Variants in WWOX observed in about 807,000 individuals in gnomAD.
WWOX encodes WW domain containing oxidoreductase, also known as WW domain-containing oxidoreductase.
Under a neutral mutation model 46.2 loss-of-function variants are expected in WWOX, and 69 were observed. The observed-to-expected ratio is 1.49, with a 90% CI of 1.23 to 1.82. The LOEUF (loss-of-function observed/expected upper bound fraction) is 1.82, where lower values mean the gene tolerates loss of function less well. Ranked by LOEUF, WWOX falls within the 40% of genes most tolerant of loss-of-function variation. The probability of loss-of-function intolerance (pLI) is 0.00; values close to 1 mark genes in which losing one functional copy is unlikely to be tolerated. For synonymous variants in WWOX, 359 were observed against 202.6 expected (o/e 1.77, Z -6.56); for missense variants, 919 against 542.6 (o/e 1.69, Z -6.89).
At chr16:78,973,658 C>G (rs936079186) in intron 8 of WWOX, among the ~76,000 whole-genome samples, 2 of 152,136 alleles carry the variant, frequency 1.3e-5, no homozygotes, top group African/African-American at 2.4e-5. Flanking sequence ...TTTGCCTTGT[C>G]TGGTTTTTCA....
chr16:78,618,835 C>G (rs1342938489), intron 8 of WWOX, among the ~76,000 whole-genome samples: 1 of 151,782 alleles, frequency 6.6e-6, no homozygotes, highest in Non-Finnish European at 1.5e-5. Context: ...TGACCAATCA[C>G]TCAGACCCAG....
intron 8 of WWOX, among the ~76,000 whole-genome samples, chr16:78,815,510 C>G (rs2051306066): frequency 6.6e-6 from 1 of 152,126 alleles, no homozygotes; most frequent in Non-Finnish European, 1.5e-5. Context: ...TACCATCTGC[C>G]TCTTGCCAGG....
intron 8 of WWOX, among the ~76,000 whole-genome samples, chr16:78,609,375 G>T (rs912371917): frequency 2.0e-5 from 3 of 151,954 alleles, no homozygotes; most frequent in African/African-American, 4.8e-5. Context: ...AGGAAACACT[G>T]AAATAGCTAT....
intron 8 of WWOX, among the ~76,000 whole-genome samples, chr16:79,051,425 A>G (rs1357981906): frequency 1.3e-5 from 2 of 152,172 alleles, no homozygotes; most frequent in Non-Finnish European, 2.9e-5. Context: ...GGCTCCTTCC[A>G]TTCTGTGGCT....
At chr16:78,680,558 C>G (rs1445698836) in intron 8 of WWOX, among the ~76,000 whole-genome samples, 2 of 152,144 alleles carry the variant, frequency 1.3e-5, no homozygotes, top group African/African-American at 2.4e-5. Flanking sequence ...CCATGTAGAG[C>G]TGGGCTATCC....
At chr16:78,799,614 G>T (rs2050832289) in intron 8 of WWOX, among the ~76,000 whole-genome samples, 1 of 12,260 alleles carries the variant, frequency 8.2e-5, no homozygotes, top group Admixed American at 1.3e-3. Flanking sequence ...AAGGTCACAT[G>T]GCTTTGGACG....
At chr16:78,625,074 C>T (rs866789970) in intron 8 of WWOX, among the ~76,000 whole-genome samples, 2 of 152,270 alleles carry the variant, frequency 1.3e-5, no homozygotes, top group South Asian at 2.1e-4. Context: ...GATTTGTAGC[C>T]GCCACACATG....
chr16:78,358,664 TA>T (rs1455772954), intron 5 of WWOX, among the ~76,000 whole-genome samples: 5 of 87,846 alleles, frequency 5.7e-5, no homozygotes, highest in African/African-American at 2.4e-4. Flanking sequence ...TGTCAAAAAA[TA>T]AATAATATGT....
At chr16:78,631,164 G>C (rs2046419790) in intron 8 of WWOX, among the ~76,000 whole-genome samples, 1 of 152,064 alleles carries the variant, frequency 6.6e-6, no homozygotes, top group Admixed American at 6.6e-5. Context: ...TTGGTATTTG[G>C]GGGGGTTCCT....
intron 8 of WWOX, among the ~76,000 whole-genome samples, chr16:78,787,947 A>G (rs1012971701): frequency 6.6e-6 from 1 of 152,206 alleles, no homozygotes; most frequent in African/African-American, 2.4e-5. Context: ...CTTTTTTAAA[A>G]TAGAAATGTT....
chr16:79,053,960 C>A (rs1358519080), intron 8 of WWOX, among the ~76,000 whole-genome samples: 1 of 150,636 alleles, frequency 6.6e-6, no homozygotes, highest in Non-Finnish European at 1.5e-5. Context: ...TTTTCTTTCT[C>A]CTTTTTCTGC....
intron 8 of WWOX, among the ~76,000 whole-genome samples, chr16:78,463,435 A>G (rs1386888581): frequency 6.6e-6 from 1 of 152,082 alleles, no homozygotes; most frequent in Non-Finnish European, 1.5e-5. Flanking sequence ...TCGCAGCAAA[A>G]TTTTTCTTTA....
chr16:78,357,177 G>GA (rs1434207763), intron 5 of WWOX, among the ~76,000 whole-genome samples: 1 of 152,138 alleles, frequency 6.6e-6, no homozygotes, highest in Non-Finnish European at 1.5e-5. Context: ...CCTGATGTTT[G>GA]AGAGTACTCC....
chr16:78,485,359 C>T (rs1457252662), intron 8 of WWOX, among the ~76,000 whole-genome samples: 7 of 152,046 alleles, frequency 4.6e-5, no homozygotes, highest in Non-Finnish European at 8.8e-5. Flanking sequence ...CAGTGAGGTC[C>T]TTTTGACTCC....
At chr16:79,003,459 G>T (rs1485183135) in intron 8 of WWOX, among the ~76,000 whole-genome samples, 1 of 152,138 alleles carries the variant, frequency 6.6e-6, no homozygotes, top group Admixed American at 6.5e-5. Flanking sequence ...CAATTTACTG[G>T]CGTAAAACGA....
chr16:78,817,070 C>G (rs959722251), intron 8 of WWOX, among the ~76,000 whole-genome samples: 1 of 150,770 alleles, frequency 6.6e-6, no homozygotes, highest in East Asian at 2.0e-4. Flanking sequence ...ATACAAAGGT[C>G]AAACCTTCCC....
intron 8 of WWOX, among the ~76,000 whole-genome samples, chr16:78,818,212 A>G (rs2051393039): frequency 6.6e-6 from 1 of 152,212 alleles, no homozygotes; most frequent in Non-Finnish European, 1.5e-5. Flanking sequence ...GGAAAGGCTA[A>G]TGGCTGAAGG....
chr16:78,527,429 G>A (rs1333475023), intron 8 of WWOX, among the ~76,000 whole-genome samples: 2 of 151,892 alleles, frequency 1.3e-5, no homozygotes, highest in African/African-American at 4.8e-5. Context: ...GAGTAGCTGG[G>A]ACTATAGGCA....
intron 5 of WWOX, among the ~76,000 whole-genome samples, chr16:78,174,311 A>G (rs2035260939): frequency 6.6e-6 from 1 of 152,138 alleles, no homozygotes; most frequent in Non-Finnish European, 1.5e-5. Flanking sequence ...TGCCTGATAA[A>G]CCCATCAGAT....
Sources: gnomAD v4.1 joint callset for allele counts (sites outside exome capture counted in the v4.1 genomes callset) on GRCh38, gnomAD v4.1.1 for gene constraint, MANE v1.5 for transcripts, NCBI Gene and HGNC (gene_info 2026-07-23, HGNC 2026-07-21) for gene names.